The following SEPTIN9 variants were observed in gnomAD, a reference collection of about 807,000 sequenced individuals.
SEPTIN9 encodes septin-9.
Under a neutral mutation model 56.6 loss-of-function variants are expected in SEPTIN9, and 13 were observed. The observed-to-expected ratio is 0.23, with a 90% CI of 0.15 to 0.37. The LOEUF is 0.37. Among genes scored for constraint, SEPTIN9 ranks in the 10% least tolerant of loss-of-function variants. The pLI, the probability that SEPTIN9 is intolerant of heterozygous loss-of-function variation, is 1.00. For missense variants in SEPTIN9, 650 were observed against 823.1 expected (o/e 0.79, Z 2.57); for synonymous variants, 332 against 334.1 (o/e 0.99, Z 0.07).
intron 10 of SEPTIN9, among the ~76,000 whole-genome samples, chr17:77,494,865 A>G (rs1353612328): frequency 1.3e-5 from 2 of 151,988 alleles, no homozygotes; most frequent in Non-Finnish European, 2.9e-5. Flanking sequence ...CTCCTCCCCT[A>G]CCACCACCCC....
At position 77,330,411 on chromosome 17, in the gene SEPTIN9, A is replaced by G. The variant is rs2033303934; in HGVS notation, c.76+23214A>G. ...TTGATCATGGGACTGACACCCCCTC[A>G]TGTTGATGTGGGCCCTGAGCCATAA... On this transcript the variant is annotated intron_variant, in intron 2 of 11. Transcript: ENST00000427177. The surrounding 1 kb of genome is among the most constrained non-coding windows in gnomAD (Gnocchi z 4.4). Among the ~76,000 whole-genome samples, 1 of 152,152 alleles carries G rather than the reference A, an allele frequency of 6.6e-6. No homozygotes were observed. Among genetic ancestry groups the G allele is most frequent in the Non-Finnish European group, 1.5e-5 (1 of 68,008 alleles).
rs373138211 is a variant in SEPTIN9 at position 77,493,176 on chromosome 17, C to A, written c.1573+100C>A. 2.7e-4 allele frequency: 247 copies of A among 904,008 alleles called. 3 individuals are homozygous for A. The East Asian group carries it at 3.1e-3, about 11-fold the overall frequency. The allele number at this position is 904,008 out of a possible 1,614,324, so 56.0% of individuals were successfully genotyped here. The stretch of plus-strand genomic sequence containing the variant: ...ACGCCTGAGCCAGGGACTCGTGGAA[C>A]CTCATCCACTGCCTTGCCCCACCCA... On this transcript the variant is annotated intron_variant, in intron 10 of 11. Transcript: ENST00000427177.
In SEPTIN9 at chr17:77,402,472, A is replaced by G. The variant is rs762953963; in HGVS notation, c.490A>G (p.Arg164Gly). Residue 164 changes from arginine to glycine, a missense_variant, in exon 3 of 12, where the codon AGG becomes GGG. This residue lies in a region of SEPTIN9 where 317 missense variants were observed against 329.1 expected (regional missense o/e 0.96). Coordinates refer to ENST00000427177, the MANE Select transcript of SEPTIN9 (RefSeq NM_001113491.2). The surrounding 1 kb of genome is among the most constrained non-coding windows in gnomAD (Gnocchi z 6.6). Reference sequence around the variant, plus strand: ...CAAACCCCAGGAGTCAGCCCACCGGAGGATGGAGCCCCCTGCCTCCAAGGT... The same window carrying G: ...CAAACCCCAGGAGTCAGCCCACCGGGGGATGGAGCCCCCTGCCTCCAAGGT... Reference protein sequence around the residue: ...IVKPQESAHRRMEPPASKVPE... With the variant: ...IVKPQESAHRGMEPPASKVPE... 2 of 1,608,476 alleles carry G rather than the reference A, an allele frequency of 1.2e-6. No individual in the cohort carries two copies. Among genetic ancestry groups the G allele is most frequent in the East Asian group, 4.5e-5 (2 of 44,664 alleles).
chr17:77,418,431 C>T (rs191617642), intron 3 of SEPTIN9, among the ~76,000 whole-genome samples: 2 of 152,282 alleles, frequency 1.3e-5, no homozygotes, highest in Non-Finnish European at 1.5e-5. Context: ...CAATCTCCAC[C>T]TCCTGGGTTC....
chr17:77,475,271 C>T lies in SEPTIN9; in HGVS notation c.722-6873C>T, dbSNP rs572299416. The T allele has an allele frequency of 1.2e-4, 171 of 1,394,048 alleles. No individual in the cohort carries two copies. Among genetic ancestry groups the T allele is most frequent in the African/African-American group, 1.1e-3 (76 of 69,178 alleles). 86.4% of individuals were successfully genotyped at this position (1,394,048 alleles called of 1,614,324 possible). A position where few individuals can be genotyped will look rare whatever the true frequency, so the allele number is the denominator to read the frequency against. On this transcript the variant is annotated intron_variant, in intron 3 of 11. Coordinates refer to ENST00000427177, the MANE Select transcript of SEPTIN9 (RefSeq NM_001113491.2). This position sits in a 1 kb window ranked among gnomAD's most constrained non-coding sequence, Gnocchi z 4.6. ...TACCATCGTGGGGAGACTGTCTGGA[C>T]GCAGAGAGCAGGCTCTGTGTGGGAG...
At chr17:77,304,637 C>T (rs976226076) in intron 1 of SEPTIN9, among the ~76,000 whole-genome samples, 2 of 152,178 alleles carry the variant, frequency 1.3e-5, no homozygotes, top group East Asian at 3.8e-4. Context: ...TGACTCCATC[C>T]TCAGGAACGT....
rs1387650372 is a variant in SEPTIN9 at position 77,389,715 on chromosome 17, C to T, written c.77-12344C>T. The stretch of plus-strand genomic sequence containing the variant: ...GGACGGAGGGTGGGCGGCCCTCCCA[C>T]CCAGGCCCTGGCGGCCCCACCCCAG... On this transcript the variant is annotated intron_variant, in intron 2 of 11. Coordinates refer to ENST00000427177, the MANE Select transcript of SEPTIN9 (RefSeq NM_001113491.2). The surrounding 1 kb of genome is among the most constrained non-coding windows in gnomAD (Gnocchi z 4.3). 6.6e-6 allele frequency among the ~76,000 whole-genome samples: 1 copy of T among 151,638 alleles called. No homozygotes were observed. The highest frequency in any genetic ancestry group is 1.5e-5 in the Non-Finnish European group (1 of 67,898).
intron 3 of SEPTIN9, among the ~76,000 whole-genome samples, chr17:77,412,315 A>G (rs1002685155): frequency 6.6e-6 from 1 of 151,824 alleles, no homozygotes; most frequent in African/African-American, 2.4e-5. Context: ...ATGCTCTCCA[A>G]TTGGTGTTTT....
At chr17:77,488,401 T>A in intron 6 of SEPTIN9, 80 bp downstream of exon 6, 1 of 1,360,890 alleles carries the variant, frequency 7.3e-7, no homozygotes, top group East Asian at 2.3e-5. Context: ...CCCTAGAGGT[T>A]TCCCGGCCCG....
intron 11 of SEPTIN9, 147 bp from the exon 12 acceptor site, chr17:77,498,376 C>G: frequency 1.6e-6 from 1 of 637,558 alleles, no homozygotes; most frequent in East Asian, 2.7e-5. Context: ...GCCTGGGGGA[C>G]CCCATGGGGA....
At chr17:77,373,663 A>G in intron 2 of SEPTIN9, 1 of 1,458,778 alleles carries the variant, frequency 6.9e-7, no homozygotes, top group Non-Finnish European at 9.1e-7. Context: ...CGCTGAGGGG[A>G]GACGGGACCC....
In SEPTIN9 at chr17:77,493,023, A is replaced by G. The variant is rs766720963; in HGVS notation, c.1520A>G (p.Gln507Arg). ...FAVVGSDHEYQVNGKRILGRK... is the reference protein window; with the variant it reads ...FAVVGSDHEYRVNGKRILGRK... Reference sequence around the variant, plus strand: ...GTGGTGGGCAGTGACCACGAGTACCAGGTCAACGGCAAGAGGATCCTTGGG... The same window carrying G: ...GTGGTGGGCAGTGACCACGAGTACCGGGTCAACGGCAAGAGGATCCTTGGG... The change falls in exon 10 of 12, where the codon CAG (glutamine) becomes CGG (arginine). Residue 507 changes from glutamine (Q) to arginine (R), a missense_variant. Physicochemically the swap from Gln to Arg is conservative, Grantham distance 43 (BLOSUM62 1). Coordinates refer to ENST00000427177, the MANE Select transcript of SEPTIN9 (RefSeq NM_001113491.2). 1.3e-6 allele frequency: 2 copies of G among 1,571,016 alleles called. No individual in the cohort carries two copies. The highest frequency in any genetic ancestry group is 1.7e-6 in the Non-Finnish European group (2 of 1,158,456).
Position 77,475,856 on chromosome 17 carries a change from A to C in SEPTIN9, c.722-6288A>C, listed in dbSNP as rs746789657. ...TTCACAGGCCTCCGTGGGCAGGAGG[A>C]GGATGACCTTGCATTCTGCTTGGCC... On this transcript the variant is annotated intron_variant, in intron 3 of 11. Coordinates refer to ENST00000427177, the MANE Select transcript of SEPTIN9 (RefSeq NM_001113491.2). The surrounding 1 kb of genome is among the most constrained non-coding windows in gnomAD (Gnocchi z 4.6). The C allele has an allele frequency of 1.1e-5, 18 of 1,613,356 alleles. No individual in the cohort carries two copies. In the Admixed American group the frequency reaches 2.3e-4, roughly 21 times the overall value.
At chr17:77,385,957 C>T (rs73373322) in intron 2 of SEPTIN9, among the ~76,000 whole-genome samples, 4,951 of 152,292 alleles carry the variant, frequency 0.033, 210 homozygotes, top group East Asian at 0.17. Context: ...CCGTGGCCCT[C>T]GTGGGGTCAT....
In SEPTIN9 at chr17:77,330,053, C is replaced by G; in HGVS notation, c.76+22856C>G. Among the ~76,000 whole-genome samples, 1 of 152,340 alleles carries G rather than the reference C, an allele frequency of 6.6e-6. No homozygotes were observed. Among genetic ancestry groups the G allele is most frequent in the East Asian group, 1.9e-4 (1 of 5,182 alleles). ...CCCTGTGCTCACCTTCTGCTTCCTT[C>G]CTCTCCCTCGGAATGGGGGGTGGAC... On this transcript the variant is annotated intron_variant, in intron 2 of 11. Coordinates refer to ENST00000427177, the MANE Select transcript of SEPTIN9 (RefSeq NM_001113491.2). The surrounding 1 kb of genome is among the most constrained non-coding windows in gnomAD (Gnocchi z 4.4).
intron 2 of SEPTIN9, among the ~76,000 whole-genome samples, chr17:77,401,121 G>T (rs2035882271): frequency 6.6e-6 from 1 of 152,176 alleles, no homozygotes; most frequent in Admixed American, 6.5e-5. Context: ...GTATCAGCCT[G>T]ATGTACAGTC....
intron 1 of SEPTIN9, among the ~76,000 whole-genome samples, chr17:77,284,113 C>T (rs4789431): frequency 9.1e-6 from 1 of 109,956 alleles, no homozygotes; most frequent in Non-Finnish European, 1.9e-5. Context: ...GGCTGAGACA[C>T]GAGGATCGCT....
At chr17:77,464,664 G>A (rs572408935) in intron 3 of SEPTIN9, among the ~76,000 whole-genome samples, 6 of 151,236 alleles carry the variant, frequency 4.0e-5, no homozygotes, top group Admixed American at 1.3e-4. Context: ...GCAGTGGCGC[G>A]ATCTTGGCTC....
Position 77,389,973 on chromosome 17 carries a change from G to T in SEPTIN9, c.77-12086G>T, listed in dbSNP as rs1455450932. Among the ~76,000 whole-genome samples the T allele has an allele frequency of 6.6e-6, 1 of 152,018 alleles. No individual in the cohort carries two copies. Among genetic ancestry groups the T allele is most frequent in the Non-Finnish European group, 1.5e-5 (1 of 68,006 alleles). ...GCAACTTAGCGCCACTTTAAAGTCC[G>T]CCTGGAATGACCCTGTGGCTGCCGG... On this transcript the variant is annotated intron_variant, in intron 2 of 11. Transcript: ENST00000427177. This position sits in a 1 kb window ranked among gnomAD's most constrained non-coding sequence, Gnocchi z 4.3.
Sources: gnomAD v4.1 joint callset for allele counts (sites outside exome capture counted in the v4.1 genomes callset) on GRCh38, gnomAD v4.1.1 for gene constraint, gnomAD v4.1.1 regional missense constraint, Gnocchi (gnomAD v3.1) non-coding constraint, MANE v1.5 for transcripts, NCBI Gene and HGNC (gene_info 2026-07-23, HGNC 2026-07-21) for gene names.